The following TMPRSS11A variants were observed in gnomAD, a reference collection of about 807,000 sequenced individuals.
TMPRSS11A encodes transmembrane protease serine 11A.
TMPRSS11A carries 53 observed loss-of-function variants against 58.9 expected under a neutral mutation model. The observed-to-expected ratio is 0.90, with a 90% CI of 0.72 to 1.13. The LOEUF is 1.13. Ranked by LOEUF, TMPRSS11A falls within the 50% of genes most tolerant of loss-of-function variation. The pLI, the probability that TMPRSS11A is intolerant of heterozygous loss-of-function variation, is 0.00. For synonymous variants in TMPRSS11A, 167 were observed against 169.8 expected, an observed-to-expected ratio of 0.98 and a Z score of 0.13; for missense variants, 493 against 499.3, an observed-to-expected ratio of 0.99 and a Z score of 0.12.
At chr4:67,935,151 A>G (rs548560415) in intron 3 of TMPRSS11A, among the ~76,000 whole-genome samples, 7 of 152,314 alleles carry the variant, frequency 4.6e-5, no homozygotes, top group East Asian at 1.9e-4. Context: ...CATTGCCACA[A>G]GGATTGAACT....
At chr4:67,926,559 C>T (rs1425832465) in intron 5 of TMPRSS11A, among the ~76,000 whole-genome samples, 1 of 152,172 alleles carries the variant, frequency 6.6e-6, no homozygotes. Flanking sequence ...ACTGTGCCAC[C>T]CCCAACCTCA....
intron 9 of TMPRSS11A, among the ~76,000 whole-genome samples, chr4:67,913,569 A>T (rs1034855547): frequency 1.3e-5 from 2 of 152,152 alleles, no homozygotes; most frequent in Non-Finnish European, 2.9e-5. Context: ...CAGTAATGTC[A>T]TGGTTCACCT....
intron 3 of TMPRSS11A, among the ~76,000 whole-genome samples, chr4:67,941,705 A>C (rs529344677): frequency 6.6e-6 from 1 of 152,220 alleles, no homozygotes; most frequent in South Asian, 2.1e-4. Flanking sequence ...TAAAAAACTG[A>C]ATCTACCTAA....
intron 1 of TMPRSS11A, among the ~76,000 whole-genome samples, chr4:67,948,311 A>G (rs1721076668): frequency 6.6e-6 from 1 of 151,612 alleles, no homozygotes; most frequent in Non-Finnish European, 1.5e-5. Context: ...GGCGTCCACC[A>G]CCACGCCCGG....
chr4:67,931,875 A>T, intron 4 of TMPRSS11A, 118 bp downstream of exon 4: 1 of 647,048 alleles, frequency 1.5e-6, no homozygotes, highest in African/African-American at 1.8e-5. Flanking sequence ...GGTAATGTTT[A>T]TGAAAAATTC....
intron 1 of TMPRSS11A, among the ~76,000 whole-genome samples, chr4:67,952,061 C>T (rs963729208): frequency 6.6e-6 from 1 of 152,158 alleles, no homozygotes; most frequent in East Asian, 1.9e-4. Flanking sequence ...TTAGAATGAC[C>T]ATTTAATACC....
chr4:67,954,794 T>C (rs1229611987), intron 1 of TMPRSS11A, among the ~76,000 whole-genome samples: 1 of 152,204 alleles, frequency 6.6e-6, no homozygotes, highest in African/African-American at 2.4e-5. Flanking sequence ...TTGGTAGCTT[T>C]GCAATGTGAG....
Position 67,910,449 on chromosome 4 carries a change from A to AT in TMPRSS11A, c.*892dup, listed in dbSNP as rs1310190533. 2 of 151,896 alleles carry AT rather than the reference A, an allele frequency of 1.3e-5. No individual in the cohort carries two copies. The highest frequency in any genetic ancestry group is 2.9e-5 in the Non-Finnish European group (2 of 67,898). 9.4% of individuals were successfully genotyped at this position (151,896 alleles called of 1,614,324 possible). A position where few individuals can be genotyped will look rare whatever the true frequency, so the allele number is the denominator to read the frequency against. On this transcript the variant is annotated 3_prime_UTR_variant, in exon 10 of 10. Coordinates refer to ENST00000508048, the MANE Select transcript of TMPRSS11A (RefSeq NM_001114387.2). ...TTTTTCAAGGTATTAGTAAATGCTT[A>AT]TTTTTTTCAGGCATTTAACCCTACA... is the stretch of plus-strand genomic sequence containing the variant.
intron 8 of TMPRSS11A, among the ~76,000 whole-genome samples, chr4:67,918,022 C>T (rs1424290572): frequency 6.6e-6 from 1 of 152,028 alleles, no homozygotes; most frequent in Non-Finnish European, 1.5e-5. Flanking sequence ...ATCTAGAGAC[C>T]CTAAAACCGA....
intron 2 of TMPRSS11A, among the ~76,000 whole-genome samples, chr4:67,945,189 C>T (rs187159285): frequency 4.0e-4 from 61 of 152,092 alleles, no homozygotes; most frequent in Non-Finnish European, 7.1e-4. Flanking sequence ...GAAGACAAGA[C>T]GAGCATGAAA....
Position 67,946,449 on chromosome 4 carries a change from C to A in TMPRSS11A, c.133+1G>T, listed in dbSNP as rs1415455470. 2 of 1,591,862 alleles carry A rather than the reference C, an allele frequency of 1.3e-6. No homozygotes were observed. Among genetic ancestry groups the A allele is most frequent in the Admixed American group, 1.8e-5 (1 of 56,078 alleles). On this transcript the variant is annotated splice_donor_variant, in intron 2 of 9. Coordinates refer to ENST00000508048, the MANE Select transcript of TMPRSS11A (RefSeq NM_001114387.2). LOFTEE classifies it high-confidence loss of function. ...AGAGTGAAATCTTTAATTTTACCTACCAAATACTAGGAAGTGAACCAGGAG... is the reference window on the plus strand; with the variant it reads ...AGAGTGAAATCTTTAATTTTACCTAACAAATACTAGGAAGTGAACCAGGAG...
intron 8 of TMPRSS11A, among the ~76,000 whole-genome samples, chr4:67,916,770 T>C (rs1018432268): frequency 3.3e-5 from 5 of 151,920 alleles, no homozygotes; most frequent in African/African-American, 1.2e-4. Flanking sequence ...GAGTTTGCAG[T>C]GAGCCGAGAT....
chr4:67,960,340 T>G (rs1208900623), intron 1 of TMPRSS11A, among the ~76,000 whole-genome samples: 1 of 152,194 alleles, frequency 6.6e-6, no homozygotes, highest in African/African-American at 2.4e-5. Flanking sequence ...TAGAAATTAC[T>G]AAAAAGAAAG....
At chr4:67,913,124 G>T (rs1206683072) in intron 9 of TMPRSS11A, among the ~76,000 whole-genome samples, 3 of 152,054 alleles carry the variant, frequency 2.0e-5, no homozygotes, top group Non-Finnish European at 2.9e-5. Flanking sequence ...TGGTTCTAGG[G>T]TATGGAGCTA....
At chr4:67,927,579 G>C (rs1577857344) in intron 5 of TMPRSS11A, among the ~76,000 whole-genome samples, 1 of 152,222 alleles carries the variant, frequency 6.6e-6, no homozygotes, top group African/African-American at 2.4e-5. Flanking sequence ...CAGGCTGGTA[G>C]CGGAAGGTGG....
At chr4:67,962,484 GC>G (rs1261516080) in intron 1 of TMPRSS11A, among the ~76,000 whole-genome samples, 1 of 152,156 alleles carries the variant, frequency 6.6e-6, no homozygotes, top group Non-Finnish European at 1.5e-5. Context: ...GCTTCTGACA[GC>G]CCTCTAGACC....
intron 1 of TMPRSS11A, among the ~76,000 whole-genome samples, chr4:67,950,612 A>T (rs181870784): frequency 6.6e-6 from 1 of 152,120 alleles, no homozygotes; most frequent in Non-Finnish European, 1.5e-5. Context: ...GGAGGGGGGA[A>T]TCTTGGGGGC....
rs1198891253 is a variant in TMPRSS11A, at chr4:67,946,492, C to T, written c.91G>A (p.Val31Met). 3.7e-6 allele frequency: 6 copies of T among 1,610,536 alleles called. No individual in the cohort carries two copies. The highest frequency in any genetic ancestry group is 2.2e-5 in the South Asian group (2 of 90,506). Reference sequence around the variant, plus strand: ...ACCAGGAGACCTATGGTCACTGCCACCACTGTCAGGGACAACACAATGAGA... The same window carrying T: ...ACCAGGAGACCTATGGTCACTGCCATCACTGTCAGGGACAACACAATGAGA... ...AVLIVLSLTV[V>M]AVTIGLLVHF... is the part of the protein sequence containing the mutation. The change falls in exon 2 of 10, where the codon GTG becomes ATG. Residue 31 changes from valine to methionine, a missense_variant. By Grantham distance (21) the Val-to-Met change is conservative. Transcript: ENST00000508048.
chr4:67,941,812 A>C (rs1220976430), intron 3 of TMPRSS11A, among the ~76,000 whole-genome samples: 1 of 152,224 alleles, frequency 6.6e-6, no homozygotes, highest in Non-Finnish European at 1.5e-5. Flanking sequence ...TTTATGTCTT[A>C]GAAGGGAAGA....
Sources: gnomAD v4.1 joint callset for allele counts (sites outside exome capture counted in the v4.1 genomes callset) on GRCh38, gnomAD v4.1.1 for gene constraint, MANE v1.5 for transcripts, NCBI Gene and HGNC (gene_info 2026-07-23, HGNC 2026-07-21) for gene names.